Variants in WWOX observed in about 807,000 individuals in gnomAD.
The protein encoded by WWOX is WW domain-containing oxidoreductase.
WWOX carries 69 observed loss-of-function variants against 46.2 expected under a neutral mutation model. The ratio of observed to expected loss-of-function variants is 1.49; its 90% CI spans 1.23 to 1.82. The LOEUF (loss-of-function observed/expected upper bound fraction) is 1.82. Ranked by LOEUF, WWOX falls within the 40% of genes most tolerant of loss-of-function variation. The pLI, the probability that WWOX is intolerant of heterozygous loss-of-function variation, is 0.00. For missense variants in WWOX, 919 were observed against 542.6 expected (o/e 1.69, Z -6.89); for synonymous variants, 359 against 202.6 (o/e 1.77, Z -6.56).
intron 8 of WWOX, among the ~76,000 whole-genome samples, chr16:78,937,850 A>G (rs1045542800): frequency 2.6e-5 from 4 of 151,930 alleles, no homozygotes; most frequent in Non-Finnish European, 5.9e-5. Context: ...CTGGTCTGGA[A>G]CTCCTGAGGT....
intron 8 of WWOX, among the ~76,000 whole-genome samples, chr16:78,717,675 G>T (rs1005326113): frequency 6.6e-6 from 1 of 152,208 alleles, no homozygotes. Flanking sequence ...TTTCCAAGAA[G>T]AGGCACTGAA....
intron 5 of WWOX, among the ~76,000 whole-genome samples, chr16:78,221,982 A>C (rs977152067): frequency 6.6e-6 from 1 of 152,196 alleles, no homozygotes; most frequent in African/African-American, 2.4e-5. Context: ...TAAAGAATGA[A>C]GCCTGGGGAC....
In WWOX at chr16:78,482,346, G is replaced by A. The variant is rs146245951; in HGVS notation, c.1056+49594G>A. 4.3e-3 allele frequency among the ~76,000 whole-genome samples: 649 copies of A among 152,054 alleles called. 8 individuals are homozygous for A. The highest frequency in any genetic ancestry group is 0.015 in the African/African-American group (616 of 41,472). On this transcript the variant is annotated intron_variant, in intron 8 of 8. Coordinates refer to ENST00000566780, the MANE Select transcript of WWOX (RefSeq NM_016373.4). ...TGTCGATTCTCCTTCCTCGGCCTCC[G>A]TAGTAGTCAGGACTACAGGCATGCA...
intron 8 of WWOX, among the ~76,000 whole-genome samples, chr16:79,059,755 A>T (rs561625254): frequency 6.6e-6 from 1 of 152,314 alleles, no homozygotes; most frequent in African/African-American, 2.4e-5. Context: ...AGAAATGGGT[A>T]AACTTGAAAC....
chr16:78,811,002 C>T (rs1286493462), intron 8 of WWOX, among the ~76,000 whole-genome samples: 1 of 152,150 alleles, frequency 6.6e-6, no homozygotes, highest in Non-Finnish European at 1.5e-5. Flanking sequence ...CAAAGAGCTT[C>T]TCTGGTGTTT....
chr16:78,258,707 CAAAAAAAAAAAA>C (rs11396946), intron 5 of WWOX, among the ~76,000 whole-genome samples: 2 of 69,588 alleles, frequency 2.9e-5, no homozygotes, highest in South Asian at 6.4e-4. Flanking sequence ...TTCCTCCCTC[CAAAAAAAAAAAA>C]AAAAAAAAAA....
intron 5 of WWOX, among the ~76,000 whole-genome samples, chr16:78,362,771 A>G (rs1003195571): frequency 6.6e-6 from 1 of 152,242 alleles, no homozygotes; most frequent in Non-Finnish European, 1.5e-5. Flanking sequence ...CTATGTGTCC[A>G]GTAGATAAAT....
At chr16:78,779,501 G>T (rs1056329000) in intron 8 of WWOX, among the ~76,000 whole-genome samples, 10 of 152,174 alleles carry the variant, frequency 6.6e-5, no homozygotes, top group African/African-American at 2.4e-4. Context: ...CACTGCAGAG[G>T]ATTGCTGACA....
chr16:78,516,299 T>C (rs151174229), intron 8 of WWOX, among the ~76,000 whole-genome samples: 25 of 152,278 alleles, frequency 1.6e-4, no homozygotes, highest in African/African-American at 5.1e-4. Flanking sequence ...TGTCCTGTTA[T>C]GCCTGCTGCT....
intron 5 of WWOX, among the ~76,000 whole-genome samples, chr16:78,320,439 A>G (rs998436769): frequency 2.6e-5 from 4 of 152,180 alleles, no homozygotes. Context: ...CACATTGTGC[A>G]TTTGTTTTTA....
At chr16:78,599,304 A>G (rs2045566794) in intron 8 of WWOX, among the ~76,000 whole-genome samples, 1 of 150,782 alleles carries the variant, frequency 6.6e-6, no homozygotes, top group Non-Finnish European at 1.5e-5. Context: ...GGGGCTTTAA[A>G]TTAATTAATC....
intron 8 of WWOX, among the ~76,000 whole-genome samples, chr16:78,664,474 C>G (rs1259923880): frequency 6.6e-6 from 1 of 152,176 alleles, no homozygotes; most frequent in Non-Finnish European, 1.5e-5. Context: ...TCATTACCAG[C>G]CTGTACCCTC....
At chr16:78,699,554 G>A (rs530011246) in intron 8 of WWOX, among the ~76,000 whole-genome samples, 2 of 152,176 alleles carry the variant, frequency 1.3e-5, no homozygotes, top group South Asian at 4.2e-4. Context: ...ACCGAAAAAC[G>A]AAAGAAAAAC....
At chr16:78,419,631 A>AT (rs1383165564) in intron 6 of WWOX, among the ~76,000 whole-genome samples, 2 of 143,064 alleles carry the variant, frequency 1.4e-5, no homozygotes, top group African/African-American at 5.2e-5. Flanking sequence ...ATAGCAAAAA[A>AT]AAAAAAAAAA....
chr16:78,482,764 G>A (rs149670065), intron 8 of WWOX, among the ~76,000 whole-genome samples: 2 of 152,246 alleles, frequency 1.3e-5, no homozygotes, highest in East Asian at 3.9e-4. Context: ...TCAGGACCTT[G>A]TTGTACGAGA....
chr16:79,048,333 C>T (rs551940501), intron 8 of WWOX, among the ~76,000 whole-genome samples: 4 of 152,054 alleles, frequency 2.6e-5, no homozygotes, highest in Non-Finnish European at 5.9e-5. Flanking sequence ...TCCAGCCCCA[C>T]ACACATGCCG....
intron 5 of WWOX, among the ~76,000 whole-genome samples, chr16:78,179,221 T>C (rs2035450476): frequency 6.6e-6 from 1 of 152,250 alleles, no homozygotes; most frequent in South Asian, 2.1e-4. Flanking sequence ...GCCTTTGCTT[T>C]GCAGGGACAG....
chr16:78,953,554 C>T (rs185181523), intron 8 of WWOX, among the ~76,000 whole-genome samples: 45 of 152,244 alleles, frequency 3.0e-4, no homozygotes, highest in Admixed American at 2.4e-3. Context: ...AGAGTCATTG[C>T]CCCAGGGGAC....
chr16:78,894,274 C>G (rs182591601), intron 8 of WWOX, among the ~76,000 whole-genome samples: 4 of 152,204 alleles, frequency 2.6e-5, no homozygotes, highest in African/African-American at 7.2e-5. Flanking sequence ...CACATACACA[C>G]ACATCTAATT....
Sources: gnomAD v4.1 joint callset for allele counts (sites outside exome capture counted in the v4.1 genomes callset) on GRCh38, gnomAD v4.1.1 for gene constraint, MANE v1.5 for transcripts, NCBI Gene and HGNC (gene_info 2026-07-23, HGNC 2026-07-21) for gene names.